FAM227B: variants seen among roughly 807,000 people sequenced by gnomAD.
FAM227B encodes the protein family with sequence similarity 227 member B, also known as protein FAM227B.
FAM227B carries 88 observed loss-of-function variants against 73.8 expected under a neutral mutation model. The ratio of observed to expected loss-of-function variants is 1.19; its 90% confidence interval spans 1.00 to 1.42. The LOEUF (loss-of-function observed/expected upper bound fraction) is 1.42, where lower values mean the gene tolerates loss of function less well. Ranked by LOEUF, FAM227B falls within the 40% of genes most tolerant of loss-of-function variation. The pLI is 0.00. For missense variants in FAM227B, 632 were observed against 590.9 expected, an observed-to-expected ratio of 1.07 and a Z score of -0.72; for synonymous variants, 210 against 190.5, an observed-to-expected ratio of 1.10 and a Z score of -0.84.
At chr15:49,366,621 G>C in intron 13 of FAM227B, 1 of 1,590,780 alleles carries the variant, frequency 6.3e-7, no homozygotes, top group East Asian at 2.2e-5. Context: ...GCGGCTGTCA[G>C]CTGGAGCAGG....
intron 9 of FAM227B, among the ~76,000 whole-genome samples, chr15:49,564,717 TCTAAG>T (rs2074509115): frequency 6.6e-6 from 1 of 151,772 alleles, no homozygotes; most frequent in Admixed American, 6.6e-5. Context: ...AGGCCATTAA[TCTAAG>T]CTAATTAACA....
intron 10 of FAM227B, among the ~76,000 whole-genome samples, chr15:49,516,803 GT>G (rs1433290516): frequency 1.3e-5 from 2 of 152,044 alleles, no homozygotes; most frequent in Non-Finnish European, 2.9e-5. Flanking sequence ...ACAGAATTAA[GT>G]TTGCTAATTG....
At chr15:49,572,769 CTCAAG>C (rs765689861) in intron 8 of FAM227B, among the ~76,000 whole-genome samples, 2 of 152,166 alleles carry the variant, frequency 1.3e-5, no homozygotes, top group African/African-American at 4.8e-5. Context: ...AGGAGCTGGA[CTCAAG>C]TCAAGTAATG....
chr15:49,395,988 G>A (rs773703461), intron 11 of FAM227B: 253 of 455,960 alleles, frequency 5.5e-4, no homozygotes, highest in Admixed American at 9.2e-4. Context: ...AACTGGGGGC[G>A]AGGAGCCAAG....
chr15:49,527,999 AAAC>A (rs1250715453), intron 10 of FAM227B, among the ~76,000 whole-genome samples: 2 of 151,916 alleles, frequency 1.3e-5, no homozygotes, highest in Admixed American at 6.6e-5. Flanking sequence ...GGATTAGAAA[AAAC>A]AACCCTAAAA....
chr15:49,569,706 T>C (rs1051647013), intron 8 of FAM227B, among the ~76,000 whole-genome samples: 1 of 151,984 alleles, frequency 6.6e-6, no homozygotes, highest in African/African-American at 2.4e-5. Context: ...GTAGTGACCA[T>C]GTTGTGCTAT....
chr15:49,540,221 C>T (rs1282368465), intron 10 of FAM227B, among the ~76,000 whole-genome samples: 2 of 152,140 alleles, frequency 1.3e-5, no homozygotes, highest in African/African-American at 4.8e-5. Flanking sequence ...GTGTGGCTGC[C>T]TCAGGAACTG....
At chr15:49,546,283 T>C (rs1314003972) in intron 9 of FAM227B, among the ~76,000 whole-genome samples, 1 of 152,210 alleles carries the variant, frequency 6.6e-6, no homozygotes, top group Non-Finnish European at 1.5e-5. Context: ...ACAAAGGACA[T>C]GAACTCATCA....
At chr15:49,347,064 A>T (rs1176397103) in intron 13 of FAM227B, among the ~76,000 whole-genome samples, 1 of 152,228 alleles carries the variant, frequency 6.6e-6, no homozygotes, top group East Asian at 1.9e-4. Flanking sequence ...AATGGCCTAG[A>T]ATTATATGTA....
chr15:49,419,125 G>T (rs544718330), intron 11 of FAM227B, among the ~76,000 whole-genome samples: 2 of 152,230 alleles, frequency 1.3e-5, no homozygotes, highest in Middle Eastern at 3.4e-3. Context: ...TTAAAATATG[G>T]GAATGTTTAT....
chr15:49,412,081 AT>A (rs2048907142), intron 11 of FAM227B, among the ~76,000 whole-genome samples: 1 of 152,046 alleles, frequency 6.6e-6, no homozygotes, highest in Admixed American at 6.6e-5. Context: ...ATAATTTTGT[AT>A]TTCTACTTAT....
chr15:49,471,159 G>C (rs2054705507), intron 11 of FAM227B, among the ~76,000 whole-genome samples: 1 of 152,088 alleles, frequency 6.6e-6, no homozygotes, highest in African/African-American at 2.4e-5. Context: ...AAATTCTAAA[G>C]AGGCTAGGGA....
intron 11 of FAM227B, among the ~76,000 whole-genome samples, chr15:49,415,726 TA>T (rs2049169236): frequency 6.6e-6 from 1 of 152,204 alleles, no homozygotes; most frequent in South Asian, 2.1e-4. Flanking sequence ...TAAACTGAGA[TA>T]TTTATATATT....
chr15:49,482,798 C>A (rs1267021888), intron 11 of FAM227B, among the ~76,000 whole-genome samples: 1 of 151,832 alleles, frequency 6.6e-6, no homozygotes, highest in Admixed American at 6.6e-5. Flanking sequence ...AAGAGCAATG[C>A]AATAATCCTT....
intron 10 of FAM227B, among the ~76,000 whole-genome samples, chr15:49,525,651 T>C (rs1315370812): frequency 1.1e-5 from 1 of 88,170 alleles, no homozygotes; most frequent in Non-Finnish European, 2.3e-5. Context: ...AGACTCAAAG[T>C]TAAAGGGTGG....
chr15:49,462,879 A>G (rs2053931449), intron 11 of FAM227B, among the ~76,000 whole-genome samples: 1 of 152,214 alleles, frequency 6.6e-6, no homozygotes, highest in Non-Finnish European at 1.5e-5. Flanking sequence ...ATAAATAAAT[A>G]CATTTTATTC....
intron 9 of FAM227B, among the ~76,000 whole-genome samples, chr15:49,561,763 T>G (rs76608097): frequency 4.6e-5 from 7 of 152,104 alleles, no homozygotes; most frequent in Non-Finnish European, 7.4e-5. Flanking sequence ...GGTAAACAAC[T>G]AAGTTAGACA....
chr15:49,489,800 ATTT>A (rs1163636823), intron 11 of FAM227B, among the ~76,000 whole-genome samples: 1 of 70,902 alleles, frequency 1.4e-5, no homozygotes, highest in African/African-American at 5.6e-5. Context: ...ATATATATAT[ATTT>A]TATATATATA....
At chr15:49,365,459 C>A in intron 13 of FAM227B, 1 of 896,176 alleles carries the variant, frequency 1.1e-6, no homozygotes, top group Admixed American at 1.7e-5. Flanking sequence ...TCTCCAAAGC[C>A]CAATATTGAA....
Sources: gnomAD v4.1 joint callset for allele counts (sites outside exome capture counted in the v4.1 genomes callset) on GRCh38, gnomAD v4.1.1 for gene constraint, MANE v1.5 for transcripts, NCBI Gene and HGNC (gene_info 2026-07-23, HGNC 2026-07-21) for gene names.